Variants in MAST1 observed in about 807,000 individuals in gnomAD.
MAST1 encodes microtubule-associated serine/threonine-protein kinase 1.
MAST1 carries 40 observed loss-of-function variants against 124.6 expected under a neutral mutation model. That is an observed-to-expected ratio of 0.32 (90% CI 0.25 to 0.42). MAST1 has a LOEUF of 0.42. Ranked by LOEUF, MAST1 falls within the 10% of genes least tolerant of loss-of-function variation. The probability of loss-of-function intolerance (pLI) is 1.00; values close to 1 mark genes in which losing one functional copy is unlikely to be tolerated. For synonymous variants in MAST1, 938 were observed against 939.4 expected (o/e 1.00, Z 0.03); for missense variants, 1,558 against 2,181.9 (o/e 0.71, Z 5.70).
At chr19:12,851,429 A>C (rs1432342739) in intron 7 of MAST1, among the ~76,000 whole-genome samples, 1 of 150,714 alleles carries the variant, frequency 6.6e-6, no homozygotes, top group East Asian at 2.0e-4. Context: ...ACACCTGGCT[A>C]ATTTTATTAT....
rs1970152829 is a variant in MAST1, at chr19:12,866,287, C to A, written c.2029+185C>A. Among the ~76,000 whole-genome samples the A allele has an allele frequency of 6.6e-6, 1 of 152,048 alleles. No individual in the cohort carries two copies. Among genetic ancestry groups the A allele is most frequent in the Admixed American group, 6.6e-5 (1 of 15,262 alleles). On this transcript the variant is annotated intron_variant, in intron 17 of 25. Transcript: ENST00000251472. This position sits in a 1 kb window ranked among gnomAD's most constrained non-coding sequence, Gnocchi z 5.2. ...GGCTGACATACAGGCGGGGCTCAGGCTGAAATGTAGGTAAGAACCTGAGAT... is the reference window on the plus strand; with the variant it reads ...GGCTGACATACAGGCGGGGCTCAGGATGAAATGTAGGTAAGAACCTGAGAT...
rs1157050616 is a variant in MAST1 at position 12,874,606 on chromosome 19, G to A, written c.4449G>A (p.Glu1483=). ...GGGGCCGGGAGCGCTGGGTGTTGGA[G>A]GTGGTGGAGGAGCGCACCACGCTGA... The part of the protein sequence containing the change: ...APRGRERWVL[E]VVEERTTLSG... Residue 1483 remains glutamate, a synonymous_variant, in exon 26 of 26, where the codon GAG becomes GAA. Coordinates refer to ENST00000251472, the MANE Select transcript of MAST1 (RefSeq NM_014975.3). This position sits in a 1 kb window ranked among gnomAD's most constrained non-coding sequence, Gnocchi z 6.6. 6.6e-7 allele frequency: 1 copy of A among 1,512,438 alleles called. No homozygotes were observed. The highest frequency in any genetic ancestry group is 8.8e-7 in the Non-Finnish European group (1 of 1,131,262). 93.7% of individuals were successfully genotyped at this position (1,512,438 alleles called of 1,614,324 possible). A position where few individuals can be genotyped will look rare whatever the true frequency, so the allele number is the denominator to read the frequency against.
chr19:12,862,353 G>A (rs1295209391), intron 12 of MAST1, among the ~76,000 whole-genome samples: 1 of 152,112 alleles, frequency 6.6e-6, no homozygotes, highest in Non-Finnish European at 1.5e-5. Flanking sequence ...GTGCAGTGGT[G>A]TGATCACAGC....
chr19:12,851,552 T>C (rs1969960250), intron 7 of MAST1, among the ~76,000 whole-genome samples: 2 of 152,138 alleles, frequency 1.3e-5, no homozygotes, highest in Non-Finnish European at 2.9e-5. Context: ...AGTGGTGTGA[T>C]CTTGGCTCAC....
At chr19:12,871,806 A>G (rs1343067443) in intron 24 of MAST1, among the ~76,000 whole-genome samples, 1 of 150,234 alleles carries the variant, frequency 6.7e-6, no homozygotes, top group Non-Finnish European at 1.5e-5. Context: ...GGTCTCAGCT[A>G]CTCGGAGGCT....
intron 12 of MAST1, among the ~76,000 whole-genome samples, chr19:12,861,055 G>A (rs1490020517): frequency 1.3e-5 from 2 of 151,846 alleles, no homozygotes; most frequent in Admixed American, 6.6e-5. Flanking sequence ...AAGCCAAAGA[G>A]ATAAGGACAT....
Position 12,865,495 on chromosome 19 carries a change from C to G in MAST1, c.1804+14C>G, listed in dbSNP as rs760953266. 6 of 1,567,540 alleles carry G rather than the reference C, an allele frequency of 3.8e-6. No individual in the cohort carries two copies. In the Admixed American group the frequency reaches 7.4e-5, roughly 19 times the overall value. ...AGGTCATCAGTGGTACGTGGCTTGG[C>G]AGTGTACAGGGGCAGAGTGTGGTGT... On this transcript the variant is annotated intron_variant, in intron 15 of 25. Transcript: ENST00000251472. The surrounding 1 kb of genome is among the most constrained non-coding windows in gnomAD (Gnocchi z 7.1).
intron 10 of MAST1, among the ~76,000 whole-genome samples, chr19:12,857,671 C>T (rs965583582): frequency 6.6e-6 from 1 of 152,158 alleles, no homozygotes; most frequent in African/African-American, 2.4e-5. Flanking sequence ...CTTGGCCTTC[C>T]AAAGTGCTGT....
intron 20 of MAST1, 85 bp from the exon 21 acceptor site, chr19:12,868,558 G>C: frequency 1.6e-6 from 2 of 1,250,172 alleles, no homozygotes; most frequent in Non-Finnish European, 2.2e-6. Flanking sequence ...GGTAAAAAGT[G>C]GAAAGAGCAT....
At position 12,841,032 on chromosome 19, in the gene MAST1, AC is replaced by A; in HGVS notation, c.219del (p.Ala74ProfsTer103). On this transcript the variant is annotated frameshift_variant, in exon 3 of 26. Coordinates refer to ENST00000251472, the MANE Select transcript of MAST1 (RefSeq NM_014975.3). LOFTEE classifies it high-confidence loss of function. This position sits in a 1 kb window ranked among gnomAD's most constrained non-coding sequence, Gnocchi z 4.3. ...CAGCCCCCGAAACTTCTCCCCCAAC[AC>A]CCCCGCCCACTTCTCGTTTGCCTCC... Reference protein sequence around the residue: ...LDSPRNFSPNTPAHFSFASSR... With the variant: ...LDSPRNFSPNXPAHFSFASSR... The A allele has an allele frequency of 4.6e-6, 7 of 1,532,432 alleles. No individual in the cohort carries two copies. The highest frequency in any genetic ancestry group is 6.3e-6 in the Non-Finnish European group (7 of 1,107,150). The allele number at this position is 1,532,432 out of a possible 1,614,324, so 94.9% of individuals were successfully genotyped here.
intron 20 of MAST1, 108 bp downstream of exon 20, chr19:12,868,085 T>C (rs1970180504): frequency 2.7e-6 from 3 of 1,115,794 alleles, no homozygotes; most frequent in South Asian, 2.6e-5. Flanking sequence ...TCAGGTCCTA[T>C]TCACATTGCA....
At position 12,848,322 on chromosome 19, in the gene MAST1, TTAAAA is replaced by T. The variant is rs531302102; in HGVS notation, c.774+268_774+272del. ...GGCTTCTTAGGCGGTCCCCAGTCAT[TTAAAA>T]TATTAAACTCGGCCGGGCTCGGTGG... On this transcript the variant is annotated intron_variant, in intron 7 of 25. Transcript: ENST00000251472. 2.7e-5 allele frequency: 12 copies of T among 448,044 alleles called. No individual in the cohort carries two copies. In the Admixed American group the frequency reaches 4.4e-4, roughly 16 times the overall value. The allele number at this position is 448,044 out of a possible 1,614,324, so 27.8% of individuals were successfully genotyped here.
rs1969903483 is a variant in MAST1, at chr19:12,847,162, G to T, written c.328-128G>T. 1.5e-6 allele frequency: 1 copy of T among 663,056 alleles called. No individual in the cohort carries two copies. The highest frequency in any genetic ancestry group is 2.6e-5 in the East Asian group (1 of 38,646). The allele number at this position is 663,056 out of a possible 1,614,324, so 41.1% of individuals were successfully genotyped here. A position where few individuals can be genotyped will look rare whatever the true frequency, so the allele number is the denominator to read the frequency against. On this transcript the variant is annotated intron_variant, in intron 4 of 25. Transcript: ENST00000251472. This position sits in a 1 kb window ranked among gnomAD's most constrained non-coding sequence, Gnocchi z 5.5. ...CCCAGCCAAGATCCTAGGATCCAAG[G>T]ATCGTAAATCAGGTCCTGATCCTGG...
intron 3 of MAST1, among the ~76,000 whole-genome samples, chr19:12,842,284 C>T (rs568161337): frequency 3.3e-5 from 5 of 151,598 alleles, no homozygotes; most frequent in African/African-American, 1.2e-4. Flanking sequence ...GTCTCTCTCT[C>T]TCTCTCTCTT....
intron 4 of MAST1, among the ~76,000 whole-genome samples, chr19:12,845,206 G>A (rs1420087289): frequency 6.6e-6 from 1 of 150,926 alleles, no homozygotes; most frequent in African/African-American, 2.4e-5. Flanking sequence ...GGAGGCTGAG[G>A]CAGGGAGAAT....
chr19:12,873,139 A>G, intron 24 of MAST1, 185 bp from the exon 25 acceptor site: 2 of 612,722 alleles, frequency 3.3e-6, no homozygotes, highest in South Asian at 4.0e-5. Context: ...GTGGGTGGGG[A>G]CTGAAGTGGG....
chr19:12,845,569 G>C (rs1342293714), intron 4 of MAST1, among the ~76,000 whole-genome samples: 1 of 151,240 alleles, frequency 6.6e-6, no homozygotes, highest in Non-Finnish European at 1.5e-5. Flanking sequence ...GGGGGAGAGA[G>C]AAACACCCTG....
chr19:12,845,588 T>TA lies in MAST1; in HGVS notation c.328-1693dup, dbSNP rs200549270. On this transcript the variant is annotated intron_variant, in intron 4 of 25. Transcript: ENST00000251472. ...GAGAGAGAAACACCCTGTCTCGAAA[T>TA]AAAAAAAAATAAAATAAAGCAAGAG... is the stretch of plus-strand genomic sequence containing the variant. 1.7e-3 allele frequency among the ~76,000 whole-genome samples: 239 copies of TA among 136,640 alleles called. 1 individual carries two copies. Among genetic ancestry groups the TA allele is most frequent in the African/African-American group, 6.0e-3 (221 of 36,606 alleles). 89.6% of individuals were successfully genotyped at this position (136,640 alleles called of 152,430 possible). A position where few individuals can be genotyped will look rare whatever the true frequency, so the allele number is the denominator to read the frequency against.
At chr19:12,844,372 A>G (rs1319138434) in intron 4 of MAST1, among the ~76,000 whole-genome samples, 1 of 152,174 alleles carries the variant, frequency 6.6e-6, no homozygotes, top group Non-Finnish European at 1.5e-5. Context: ...TTGTCATGAG[A>G]TTGTCATGTG....
Sources: gnomAD v4.1 joint callset for allele counts (sites outside exome capture counted in the v4.1 genomes callset) on GRCh38, gnomAD v4.1.1 for gene constraint, Gnocchi (gnomAD v3.1) non-coding constraint, MANE v1.5 for transcripts, NCBI Gene and HGNC (gene_info 2026-07-23, HGNC 2026-07-21) for gene names.